MMP26: variants seen among roughly 807,000 people sequenced by gnomAD.
MMP26 encodes matrix metalloproteinase-26.
In MMP26, 33 loss-of-function variants were observed where a neutral mutation model predicts 31.0. The ratio of observed to expected loss-of-function variants is 1.06; its 90% CI spans 0.81 to 1.42. MMP26 has a LOEUF of 1.42. Among genes scored for constraint, MMP26 ranks in the 40% most tolerant of loss-of-function variants. The probability of loss-of-function intolerance (pLI) is 0.00; values close to 1 mark genes in which losing one functional copy is unlikely to be tolerated. For missense variants in MMP26, 347 were observed against 316.1 expected (o/e 1.10, Z -0.74); for synonymous variants, 122 against 114.9 (o/e 1.06, Z -0.40).
At chr11:4,949,835 T>C (rs973164557) in intron 2 of MMP26, among the ~76,000 whole-genome samples, 1 of 123,438 alleles carries the variant, frequency 8.1e-6, no homozygotes, top group South Asian at 2.4e-4. Flanking sequence ...ACACTAAACT[T>C]ATTTTAATGT....
chr11:4,836,894 C>T (rs1849727216), intron 2 of MMP26, among the ~76,000 whole-genome samples: 3 of 151,458 alleles, frequency 2.0e-5, no homozygotes. Context: ...GTCCCGAACT[C>T]CTGACCTCAG....
chr11:4,775,770 G>A (rs1346529813), intron 2 of MMP26, among the ~76,000 whole-genome samples: 3 of 150,950 alleles, frequency 2.0e-5, no homozygotes, highest in Non-Finnish European at 4.4e-5. Context: ...GAGAGAGAGA[G>A]AAAGAGAGAG....
rs1449962605 is a variant in MMP26 at position 4,989,858 on chromosome 11, C to G, written c.310C>G (p.Leu104Val). Residue 104 changes from leucine to valine, a missense_variant, in exon 4 of 8, where the codon CTA (leucine) becomes GTA (valine). Physicochemically the swap from Leu to Val is conservative, Grantham distance 32 (BLOSUM62 1). Transcript: ENST00000380390. The part of the protein sequence containing the change: ...PGRCKWNKHT[L>V]TYRIINYPHD... ...AAGATGCAAGTGGAATAAGCACACT[C>G]TAACTTACAGGTGCTTGTTACTAAG... 1 of 1,607,668 alleles carries G rather than the reference C, an allele frequency of 6.2e-7. No homozygotes were observed. The highest frequency in any genetic ancestry group is 1.1e-5 in the South Asian group (1 of 91,048).
chr11:4,925,688 G>A (rs892111441), intron 2 of MMP26, among the ~76,000 whole-genome samples: 1 of 151,732 alleles, frequency 6.6e-6, no homozygotes, highest in Non-Finnish European at 1.5e-5. Context: ...AACTAGAAAG[G>A]GGACAGAGAA....
rs368848110 is a variant in MMP26, at chr11:4,821,374, G to C, written c.-145+54033G>C. On this transcript the variant is annotated intron_variant, in intron 2 of 7. Transcript: ENST00000380390. ...TTACAAGTGATAAACTATGTATTAT[G>C]TGTTATGTTAAATGACTGAAACATC... The C allele has an allele frequency of 3.1e-6, 5 of 1,596,816 alleles. No individual in the cohort carries two copies. The African/African-American group carries it at 6.7e-5, about 21-fold the overall frequency.
At chr11:4,710,455 T>A (rs1314195193) in intron 1 of MMP26, 1 of 451,502 alleles carries the variant, frequency 2.2e-6, no homozygotes, top group Non-Finnish European at 4.5e-6. Context: ...ATCTACAGTG[T>A]AAAGACCAAG....
chr11:4,893,552 C>T (rs1317140442), intron 2 of MMP26, among the ~76,000 whole-genome samples: 2 of 152,160 alleles, frequency 1.3e-5, no homozygotes, highest in African/African-American at 4.8e-5. Flanking sequence ...ACCCTCACTG[C>T]CTCAGTCATA....
At chr11:4,709,631 C>A (rs1847830988) in intron 1 of MMP26, 1 of 456,964 alleles carries the variant, frequency 2.2e-6, no homozygotes, top group Admixed American at 2.3e-5. Context: ...GCATCCCTGG[C>A]CTTGAAACCC....
At chr11:4,966,027 G>T (rs1846589982) in intron 2 of MMP26, among the ~76,000 whole-genome samples, 1 of 152,042 alleles carries the variant, frequency 6.6e-6, no homozygotes, top group South Asian at 2.1e-4. Flanking sequence ...AAAATTAAGT[G>T]GTTTACATTT....
At chr11:4,916,371 T>A (rs1375570615) in intron 2 of MMP26, among the ~76,000 whole-genome samples, 1 of 148,636 alleles carries the variant, frequency 6.7e-6, no homozygotes, top group African/African-American at 2.5e-5. Flanking sequence ...TATTTAACTT[T>A]GCCTGCCTCT....
chr11:4,715,610 T>G (rs1847919933), intron 1 of MMP26, among the ~76,000 whole-genome samples: 1 of 152,142 alleles, frequency 6.6e-6, no homozygotes, highest in Non-Finnish European at 1.5e-5. Context: ...TATAAAAAGA[T>G]TTCTGAGGGT....
At chr11:4,905,222 G>A (rs376444934) in intron 2 of MMP26, among the ~76,000 whole-genome samples, 1 of 152,048 alleles carries the variant, frequency 6.6e-6, no homozygotes, top group Non-Finnish European at 1.5e-5. Context: ...ATCTGCTACC[G>A]TCTCCACATT....
At chr11:4,985,972 G>A (rs936571532) in intron 2 of MMP26, among the ~76,000 whole-genome samples, 4 of 152,064 alleles carry the variant, frequency 2.6e-5, no homozygotes, top group African/African-American at 9.7e-5. Context: ...TTACCATTTG[G>A]TTTCCCATGT....
chr11:4,732,526 G>T (rs1370181512), intron 1 of MMP26, among the ~76,000 whole-genome samples: 4 of 140,568 alleles, frequency 2.8e-5, no homozygotes, highest in Admixed American at 1.5e-4. Context: ...CTGGGCAAAA[G>T]AGCGAGACTC....
intron 2 of MMP26, among the ~76,000 whole-genome samples, chr11:4,893,495 TG>T (rs1029126330): frequency 8.5e-5 from 13 of 152,184 alleles, no homozygotes; most frequent in African/African-American, 3.1e-4. Flanking sequence ...CACAAATGTT[TG>T]GGTCACTCTT....
At position 4,807,417 on chromosome 11, in the gene MMP26, C is replaced by G. The variant is rs1474310245; in HGVS notation, c.-145+40076C>G. ...ATTAAGAAAATGTGGCACATATACC[C>G]CATGGAATACTATGCAGGCATAAAA... On this transcript the variant is annotated intron_variant, in intron 2 of 7. Coordinates refer to ENST00000380390, the MANE Select transcript of MMP26 (RefSeq NM_021801.5). Among the ~76,000 whole-genome samples the G allele has an allele frequency of 2.6e-5, 4 of 152,262 alleles. No individual in the cohort carries two copies. In the South Asian group the frequency reaches 8.3e-4, roughly 32 times the overall value.
chr11:4,735,682 G>A (rs1848230342), intron 1 of MMP26, among the ~76,000 whole-genome samples: 1 of 152,014 alleles, frequency 6.6e-6, no homozygotes, highest in Non-Finnish European at 1.5e-5. Context: ...ATATTGTTTA[G>A]CATCTCGCAA....
chr11:4,833,320 T>C (rs1849671805), intron 2 of MMP26, among the ~76,000 whole-genome samples: 1 of 152,212 alleles, frequency 6.6e-6, no homozygotes, highest in Non-Finnish European at 1.5e-5. Flanking sequence ...GGGTGATTGA[T>C]AAATTCAATT....
chr11:4,858,327 C>G (rs1850088094), intron 2 of MMP26, among the ~76,000 whole-genome samples: 1 of 152,120 alleles, frequency 6.6e-6, no homozygotes, highest in Non-Finnish European at 1.5e-5. Flanking sequence ...TTAGAAAACC[C>G]CATCGTCTCA....
Sources: allele counts gnomAD v4.1 joint callset (sites outside exome capture counted in the v4.1 genomes callset), GRCh38; gene constraint gnomAD v4.1.1; transcripts MANE v1.5; gene names NCBI Gene and HGNC (gene_info 2026-07-23, HGNC 2026-07-21).